Variants in FOXP1 observed in about 807,000 individuals in gnomAD.
FOXP1 encodes forkhead box protein P1.
Under a neutral mutation model 98.2 loss-of-function variants are expected in FOXP1, and 15 were observed. That is an observed-to-expected ratio of 0.15 (90% CI 0.10 to 0.24). The LOEUF (loss-of-function observed/expected upper bound fraction) is 0.24, where lower values mean the gene tolerates loss of function less well. Among genes scored for constraint, FOXP1 ranks in the 10% least tolerant of loss-of-function variants. The pLI is 1.00. For synonymous variants in FOXP1, 371 were observed against 314.5 expected, an observed-to-expected ratio of 1.18 and a Z score of -1.90; for missense variants, 633 against 848.5, an observed-to-expected ratio of 0.75 and a Z score of 3.15.
chr3:71,040,702 C>T (rs961138254), intron 11 of FOXP1, among the ~76,000 whole-genome samples: 3 of 152,156 alleles, frequency 2.0e-5, no homozygotes, highest in Non-Finnish European at 2.9e-5. Flanking sequence ...CAATACTACA[C>T]TATATCCCAC....
intron 7 of FOXP1, among the ~76,000 whole-genome samples, chr3:71,067,475 A>T (rs2052657251): frequency 6.6e-6 from 1 of 152,226 alleles, no homozygotes; most frequent in African/African-American, 2.4e-5. Context: ...AAGAAAGGCC[A>T]ACAAAAAAAT....
At chr3:71,050,537 G>A (rs957465939) in intron 9 of FOXP1, among the ~76,000 whole-genome samples, 4 of 152,278 alleles carry the variant, frequency 2.6e-5, no homozygotes, top group Admixed American at 2.0e-4. Flanking sequence ...TTGCCTGCAA[G>A]CCACAGGGGA....
At chr3:71,156,402 C>A (rs2060825232) in intron 6 of FOXP1, among the ~76,000 whole-genome samples, 1 of 152,140 alleles carries the variant, frequency 6.6e-6, no homozygotes, top group South Asian at 2.1e-4. Context: ...TTAATTCAGC[C>A]ATTAACTACA....
intron 11 of FOXP1, among the ~76,000 whole-genome samples, chr3:71,028,716 A>G (rs1176490341): frequency 6.6e-6 from 1 of 152,220 alleles, no homozygotes; most frequent in East Asian, 1.9e-4. Context: ...TTATTATTAC[A>G]TTGTAACATA....
At chr3:71,183,843 G>C (rs1489277846) in intron 6 of FOXP1, among the ~76,000 whole-genome samples, 1 of 152,110 alleles carries the variant, frequency 6.6e-6, no homozygotes, top group East Asian at 1.9e-4. Flanking sequence ...GGTGGGTCCA[G>C]TAATCTATGT....
chr3:71,279,172 C>CAAAAAAAAAAAA (rs11308828), intron 5 of FOXP1, among the ~76,000 whole-genome samples: 83 of 69,758 alleles, frequency 1.2e-3, no homozygotes, highest in South Asian at 2.1e-3. Flanking sequence ...AACTCCATCT[C>CAAAAAAAAAAAA]AAAAAAAAAA....
chr3:71,114,770 G>A (rs1163879414), intron 6 of FOXP1, among the ~76,000 whole-genome samples: 1 of 152,220 alleles, frequency 6.6e-6, no homozygotes, highest in Non-Finnish European at 1.5e-5. Flanking sequence ...TGGGGCATCT[G>A]GAAGCCAAGA....
intron 4 of FOXP1, among the ~76,000 whole-genome samples, chr3:71,342,133 C>T (rs1037278131): frequency 1.1e-4 from 17 of 152,186 alleles, no homozygotes; most frequent in African/African-American, 4.1e-4. Context: ...CTGCCATTCT[C>T]TTTTCTAGAT....
chr3:71,477,634 T>G (rs2089961134), intron 3 of FOXP1, among the ~76,000 whole-genome samples: 1 of 152,242 alleles, frequency 6.6e-6, no homozygotes, highest in South Asian at 2.1e-4. Flanking sequence ...TCTCTTATGA[T>G]GTTGAGCCTT....
chr3:71,091,466 G>C (rs2107603773), intron 7 of FOXP1, among the ~76,000 whole-genome samples: 1 of 151,962 alleles, frequency 6.6e-6, no homozygotes, highest in Non-Finnish European at 1.5e-5. Context: ...TGCCAGCCTG[G>C]GTGACAGAGC....
intron 5 of FOXP1, among the ~76,000 whole-genome samples, chr3:71,252,221 T>C (rs1450231142): frequency 2.6e-5 from 4 of 152,210 alleles, no homozygotes; most frequent in African/African-American, 7.2e-5. Context: ...AGCAGCCATC[T>C]TGTGGCCCAG....
At chr3:71,231,572 T>C (rs926059933) in intron 5 of FOXP1, among the ~76,000 whole-genome samples, 1 of 152,252 alleles carries the variant, frequency 6.6e-6, no homozygotes, top group African/African-American at 2.4e-5. Flanking sequence ...CTATGAATTC[T>C]GGACACTTCA....
intron 2 of FOXP1, among the ~76,000 whole-genome samples, chr3:71,524,329 C>T (rs1182567522): frequency 6.6e-6 from 1 of 152,012 alleles, no homozygotes; most frequent in Non-Finnish European, 1.5e-5. Flanking sequence ...AGCTACTGCA[C>T]TCCAACGTGG....
At chr3:71,200,896 TTTC>T (rs1362945855) in intron 5 of FOXP1, among the ~76,000 whole-genome samples, 12 of 152,248 alleles carry the variant, frequency 7.9e-5, no homozygotes, top group African/African-American at 2.7e-4. Context: ...AATTCACATG[TTTC>T]TTCATTTCCT....
chr3:71,102,915 T>C (rs1470041046), intron 7 of FOXP1, among the ~76,000 whole-genome samples: 1 of 152,224 alleles, frequency 6.6e-6, no homozygotes, highest in Non-Finnish European at 1.5e-5. Flanking sequence ...AACTTCTCTA[T>C]GCTCCACTTT....
chr3:71,217,334 A>T (rs1376014256), intron 5 of FOXP1, among the ~76,000 whole-genome samples: 2 of 152,128 alleles, frequency 1.3e-5, no homozygotes, highest in Non-Finnish European at 2.9e-5. Context: ...TGGCCTCGCA[A>T]AGTGCTAGGA....
chr3:71,518,846 T>A (rs1392162184), intron 2 of FOXP1, among the ~76,000 whole-genome samples: 1 of 152,182 alleles, frequency 6.6e-6, no homozygotes, highest in Non-Finnish European at 1.5e-5. Context: ...TTTGATGAAC[T>A]TCTAACGAGA....
intron 2 of FOXP1, chr3:71,574,450 T>C (rs187820832): frequency 6.6e-6 from 1 of 152,324 alleles, no homozygotes; most frequent in African/African-American, 2.4e-5. Context: ...TAAGCCTCCT[T>C]AACATTTTAT....
chr3:71,515,091 TTA>T (rs1408901075), intron 2 of FOXP1, among the ~76,000 whole-genome samples: 1 of 152,146 alleles, frequency 6.6e-6, no homozygotes, highest in Non-Finnish European at 1.5e-5. Flanking sequence ...CTCAAAAAGT[TTA>T]GTTTGTGAAT....
Sources: gnomAD v4.1 joint callset for allele counts (sites outside exome capture counted in the v4.1 genomes callset) on GRCh38, gnomAD v4.1.1 for gene constraint, MANE v1.5 for transcripts, NCBI Gene and HGNC (gene_info 2026-07-23, HGNC 2026-07-21) for gene names.